DNM1: variants seen among roughly 807,000 people sequenced by gnomAD.
DNM1 encodes dynamin 1.
A neutral mutation model predicts 104.6 loss-of-function variants in DNM1; 29 were observed. That is an observed-to-expected ratio of 0.28 (90% CI 0.21 to 0.38). DNM1 has a LOEUF of 0.38. DNM1 is among the 10% of genes least tolerant of loss of function. The pLI, the probability that DNM1 is intolerant of heterozygous loss-of-function variation, is 1.00. For synonymous variants in DNM1, 445 were observed against 475.8 expected (o/e 0.94, Z 0.84); for missense variants, 640 against 1,189.4 (o/e 0.54, Z 6.79).
In DNM1 at chr9:128,242,352, C is replaced by T; in HGVS notation, c.1671+7C>T. The T allele has an allele frequency of 6.6e-7, 1 of 1,520,140 alleles. No individual in the cohort carries two copies. Among genetic ancestry groups the T allele is most frequent in the Non-Finnish European group, 9.1e-7 (1 of 1,094,426 alleles). 94.2% of individuals were successfully genotyped at this position (1,520,140 alleles called of 1,614,324 possible). A position where few individuals can be genotyped will look rare whatever the true frequency, so the allele number is the denominator to read the frequency against. Reference sequence around the variant, plus strand: ...CTGGTACAAGGATGATGAGGTGAGTCAAGGGCCAGTGGTCATCAAGGGGCT... The same window carrying T: ...CTGGTACAAGGATGATGAGGTGAGTTAAGGGCCAGTGGTCATCAAGGGGCT... On this transcript the variant is annotated splice_region_variant and intron_variant, in intron 15 of 21. Transcript: ENST00000372923.
In DNM1 at chr9:128,252,224, T is replaced by A. The variant is rs536455916; in HGVS notation, c.2534+1284T>A. Reference sequence around the variant, plus strand: ...AGATGCAGCCGTAGGAGCACTTTGCTAACTGCCAACGTGAGTTCAGATTCT... The same window carrying A: ...AGATGCAGCCGTAGGAGCACTTTGCAAACTGCCAACGTGAGTTCAGATTCT... On this transcript the variant is annotated intron_variant, in intron 21 of 21. Coordinates refer to ENST00000372923, the MANE Select transcript of DNM1 (RefSeq NM_004408.4). The A allele has an allele frequency of 1.1e-4, 29 of 253,530 alleles. No individual in the cohort carries two copies. In the South Asian group the frequency reaches 1.2e-3, roughly 10 times the overall value. The allele number at this position is 253,530 out of a possible 1,614,324, so 15.7% of individuals were successfully genotyped here.
chr9:128,245,306 G>A lies in DNM1; in HGVS notation c.1672-1088G>A, dbSNP rs1439734122. 6.6e-6 allele frequency among the ~76,000 whole-genome samples: 1 copy of A among 152,028 alleles called. No homozygotes were observed. The highest frequency in any genetic ancestry group is 2.1e-4 in the South Asian group (1 of 4,822). On this transcript the variant is annotated intron_variant, in intron 15 of 21. Coordinates refer to ENST00000372923, the MANE Select transcript of DNM1 (RefSeq NM_004408.4). This position sits in a 1 kb window ranked among gnomAD's most constrained non-coding sequence, Gnocchi z 5.2. ...GTGGGCGGGATGACGCCAGGACGGG[G>A]GAGCAAGGTCCCCCTAAACCCAGCC...
At chr9:128,227,347 T>C (rs1225690402) in intron 10 of DNM1, among the ~76,000 whole-genome samples, 1 of 151,194 alleles carries the variant, frequency 6.6e-6, no homozygotes, top group Non-Finnish European at 1.5e-5. Context: ...AATCCTTGTA[T>C]GTTGCTACAT....
chr9:128,213,069 G>A (rs890599841), intron 1 of DNM1, among the ~76,000 whole-genome samples: 2 of 152,064 alleles, frequency 1.3e-5, no homozygotes, highest in Non-Finnish European at 2.9e-5. Flanking sequence ...AATATTTCAC[G>A]TATTTTCTGG....
chr9:128,218,839 T>C lies in DNM1; in HGVS notation c.385+108T>C. The C allele has an allele frequency of 7.1e-7, 1 of 1,405,628 alleles. No individual in the cohort carries two copies. The highest frequency in any genetic ancestry group is 9.5e-7 in the Non-Finnish European group (1 of 1,053,870). The allele number at this position is 1,405,628 out of a possible 1,614,324, so 87.1% of individuals were successfully genotyped here. Reference sequence around the variant, plus strand: ...TCCGCCCCTAGAATGACCCTGCCTCTGCATCATCCTATTCCAAGCTCCACC... The same window carrying C: ...TCCGCCCCTAGAATGACCCTGCCTCCGCATCATCCTATTCCAAGCTCCACC... On this transcript the variant is annotated intron_variant, in intron 3 of 21. Transcript: ENST00000372923. The surrounding 1 kb of genome is among the most constrained non-coding windows in gnomAD (Gnocchi z 4.8).
chr9:128,234,508 T>A (rs1016664596), intron 11 of DNM1, among the ~76,000 whole-genome samples: 1 of 151,944 alleles, frequency 6.6e-6, no homozygotes, highest in Non-Finnish European at 1.5e-5. Flanking sequence ...GGGAGGCTAC[T>A]GGGAGGTGGC....
At chr9:128,225,985 C>T (rs753269212) in intron 10 of DNM1, 2 of 1,591,826 alleles carry the variant, frequency 1.3e-6, no homozygotes, top group South Asian at 2.2e-5. Context: ...ACTTCTCCTC[C>T]CCACCCACGG....
chr9:128,253,200 C>T lies in DNM1; in HGVS notation c.2535-1454C>T. ...TGTCTGCCCCGCTGCACTAGCTCCA[C>T]ACGGGGCGCGCACCTGGGACCTCAG... On this transcript the variant is annotated intron_variant, in intron 21 of 21. Transcript: ENST00000372923. This position sits in a 1 kb window ranked among gnomAD's most constrained non-coding sequence, Gnocchi z 5.9. The T allele has an allele frequency of 2.0e-6, 3 of 1,526,824 alleles. No individual in the cohort carries two copies. Among genetic ancestry groups the T allele is most frequent in the Non-Finnish European group, 1.8e-6 (2 of 1,117,118 alleles). The allele number at this position is 1,526,824 out of a possible 1,614,324, so 94.6% of individuals were successfully genotyped here. A position where few individuals can be genotyped will look rare whatever the true frequency, so the allele number is the denominator to read the frequency against.
intron 21 of DNM1, chr9:128,252,950 G>A: frequency 1.3e-6 from 1 of 755,166 alleles, no homozygotes. Context: ...CGTGTTGTTT[G>A]TGGGCATGTG....
rs1320569379 is a variant in DNM1 at position 128,203,513 on chromosome 9, C to A, written c.43C>A (p.Arg15=). Residue 15 remains arginine, a synonymous_variant, in exon 1 of 22, where the codon CGG becomes AGG. Coordinates refer to ENST00000372923, the MANE Select transcript of DNM1 (RefSeq NM_004408.4). The surrounding 1 kb of genome is among the most constrained non-coding windows in gnomAD (Gnocchi z 5.3). ...GMEDLIPLVN[R]LQDAFSAIGQ... ...GGAAGATCTCATCCCGCTGGTCAAC[C>A]GGCTGCAAGACGCCTTCTCTGCCAT... is the stretch of plus-strand genomic sequence containing the variant. The A allele has an allele frequency of 1.3e-6, 2 of 1,539,624 alleles. No homozygotes were observed. The highest frequency in any genetic ancestry group is 5.5e-5 in the East Asian group (2 of 36,682).
chr9:128,211,161 C>T (rs1301153009), intron 1 of DNM1, among the ~76,000 whole-genome samples: 2 of 152,140 alleles, frequency 1.3e-5, no homozygotes, highest in Admixed American at 6.5e-5. Context: ...ACTCCAGCCC[C>T]TTTGTCTTAG....
intron 11 of DNM1, among the ~76,000 whole-genome samples, chr9:128,235,128 G>A (rs996565877): frequency 6.6e-6 from 1 of 152,010 alleles, no homozygotes; most frequent in Non-Finnish European, 1.5e-5. Flanking sequence ...GGGACCTCAC[G>A]TAAGTGGAGT....
At chr9:128,244,740 C>T (rs867251736) in intron 15 of DNM1, 1 of 534,072 alleles carries the variant, frequency 1.9e-6, no homozygotes, top group Middle Eastern at 3.2e-4. Context: ...TAACCCAGCC[C>T]AGCCTAACCA....
At chr9:128,221,831 C>T (rs1041051670) in intron 6 of DNM1, among the ~76,000 whole-genome samples, 7 of 152,020 alleles carry the variant, frequency 4.6e-5, no homozygotes, top group African/African-American at 1.4e-4. Context: ...AGGCAGAGAT[C>T]GCAGGTTGCA....
chr9:128,224,399 A>G lies in DNM1; in HGVS notation c.1335+10A>G. ...ACAGTGCACCAAGAAGGTAACCCGG[A>G]GGCCCGGGCCAGCCCCCACCGCCTC... On this transcript the variant is annotated intron_variant, in intron 10 of 21. Transcript: ENST00000372923. This position sits in a 1 kb window ranked among gnomAD's most constrained non-coding sequence, Gnocchi z 4.3. 1 of 1,605,352 alleles carries G rather than the reference A, an allele frequency of 6.2e-7. No individual in the cohort carries two copies. Among genetic ancestry groups the G allele is most frequent in the Non-Finnish European group, 8.5e-7 (1 of 1,174,482 alleles).
In DNM1 at chr9:128,203,664, C is replaced by G. The variant is rs1428451380; in HGVS notation, c.161+33C>G. The G allele has an allele frequency of 1.2e-5, 18 of 1,487,304 alleles. No homozygotes were observed. The highest frequency in any genetic ancestry group is 1.6e-5 in the Non-Finnish European group (18 of 1,125,588). 92.1% of individuals were successfully genotyped at this position (1,487,304 alleles called of 1,614,324 possible). On this transcript the variant is annotated intron_variant, in intron 1 of 21. Transcript: ENST00000372923. This position sits in a 1 kb window ranked among gnomAD's most constrained non-coding sequence, Gnocchi z 5.3. ...CGGCGCGCCCCCAGGCGCCGACCCC[C>G]GACCCCCGGGATCCCTGGAGTCCCC...
intron 15 of DNM1, chr9:128,244,998 G>T: frequency 3.6e-6 from 1 of 280,680 alleles, no homozygotes; most frequent in Non-Finnish European, 7.5e-6. Context: ...CGTGGCAGGG[G>T]TGAGCGGGAG....
chr9:128,205,601 T>TGCA (rs1318963512), intron 1 of DNM1, among the ~76,000 whole-genome samples: 1 of 152,120 alleles, frequency 6.6e-6, no homozygotes, highest in African/African-American at 2.4e-5. Context: ...TGTGGGTGGG[T>TGCA]GGGCCTCCAT....
rs1224690812 is a variant in DNM1, at chr9:128,218,631, G to C, written c.285G>C (p.Glu95Asp). Residue 95 changes from glutamate to aspartate, a missense_variant, in exon 3 of 22, where the codon GAG becomes GAC. Glu to Asp is a conservative substitution (Grantham distance 45). This residue lies in a region of DNM1 where 172 missense variants were observed against 335.3 expected (regional missense o/e 0.51). Coordinates refer to ENST00000372923, the MANE Select transcript of DNM1 (RefSeq NM_004408.4). The surrounding 1 kb of genome is among the most constrained non-coding windows in gnomAD (Gnocchi z 4.8). Reference sequence around the variant, plus strand: ...AGGGAAAGAAATTCACCGACTTCGAGGAGGTGCGCCTTGAGATCGAGGCCG... The same window carrying C: ...AGGGAAAGAAATTCACCGACTTCGACGAGGTGCGCCTTGAGATCGAGGCCG... ...HCKGKKFTDFEEVRLEIEAET... is the reference protein window; with the variant it reads ...HCKGKKFTDFDEVRLEIEAET... 3.1e-6 allele frequency: 5 copies of C among 1,613,596 alleles called. No individual in the cohort carries two copies. Among genetic ancestry groups the C allele is most frequent in the Non-Finnish European group, 3.4e-6 (4 of 1,179,720 alleles).
Sources: allele counts gnomAD v4.1 joint callset (sites outside exome capture counted in the v4.1 genomes callset), GRCh38; gene constraint gnomAD v4.1.1; regional missense constraint gnomAD v4.1.1; non-coding constraint Gnocchi (gnomAD v3.1); transcripts MANE v1.5; gene names NCBI Gene and HGNC (gene_info 2026-07-23, HGNC 2026-07-21).